The following NCALD variants were observed in gnomAD, a reference collection of about 807,000 sequenced individuals.
NCALD encodes neurocalcin-delta.
A neutral mutation model predicts 18.6 loss-of-function variants in NCALD; 10 were observed. That is an observed-to-expected ratio of 0.54 (90% confidence interval 0.33 to 0.91). The LOEUF (loss-of-function observed/expected upper bound fraction) is 0.91, where lower values mean the gene tolerates loss of function less well. Ranked by LOEUF, NCALD falls within the 40% of genes least tolerant of loss-of-function variation. NCALD has a pLI of 0.03. For missense variants in NCALD, 184 were observed against 247.6 expected (o/e 0.74, Z 1.72); for synonymous variants, 88 against 87.4 (o/e 1.01, Z -0.04).
At chr8:101,865,016 A>G (rs1332224520) in intron 4 of NCALD, among the ~76,000 whole-genome samples, 3 of 152,332 alleles carry the variant, frequency 2.0e-5, no homozygotes, top group South Asian at 2.1e-4. Flanking sequence ...TTTCATTATA[A>G]TAAGTGCTCT....
intron 1 of NCALD, among the ~76,000 whole-genome samples, chr8:101,776,648 G>T (rs1811804561): frequency 6.6e-6 from 1 of 151,962 alleles, no homozygotes; most frequent in Non-Finnish European, 1.5e-5. Context: ...AGGGGCCCAA[G>T]GACAACTTGA....
At chr8:101,814,920 T>C (rs928320396) in intron 4 of NCALD, among the ~76,000 whole-genome samples, 8 of 152,186 alleles carry the variant, frequency 5.3e-5, no homozygotes, top group African/African-American at 1.9e-4. Context: ...AACAAATATA[T>C]ATGAGATCTT....
chr8:101,918,694 G>A (rs1234212461), intron 2 of NCALD, among the ~76,000 whole-genome samples: 1 of 150,590 alleles, frequency 6.6e-6, no homozygotes, highest in African/African-American at 2.4e-5. Flanking sequence ...CACTAACAAT[G>A]TTCAAGCTGA....
chr8:101,710,250 T>A (rs1467295683), intron 2 of NCALD, among the ~76,000 whole-genome samples: 3 of 152,214 alleles, frequency 2.0e-5, no homozygotes, highest in African/African-American at 7.2e-5. Context: ...GTATGCTTTT[T>A]CATGGTCTTC....
chr8:101,770,872 T>C (rs1311640665), intron 1 of NCALD, among the ~76,000 whole-genome samples: 1 of 152,248 alleles, frequency 6.6e-6, no homozygotes, highest in Non-Finnish European at 1.5e-5. Flanking sequence ...ATAAAATCTT[T>C]AGGCCGTATT....
chr8:101,828,715 C>G (rs1296476073), intron 4 of NCALD, among the ~76,000 whole-genome samples: 3 of 152,112 alleles, frequency 2.0e-5, no homozygotes, highest in Non-Finnish European at 4.4e-5. Flanking sequence ...AATCCTCCAG[C>G]CTCAGCCTCC....
Position 101,763,990 on chromosome 8 carries a change from ACACACACACACACACACACACACACC to A in NCALD, c.-20+26846_-20+26871del, listed in dbSNP as rs1358110832. ...TCCACACACACACACACACACACAC[ACACACACACACACACACACACACACC>A]CCCTATTGGTCTGTCTCTCAAGAGA... On this transcript the variant is annotated intron_variant, in intron 1 of 3. Transcript: ENST00000220931. Among the ~76,000 whole-genome samples, 599 of 79,348 alleles carry A rather than the reference ACACACACACACACACACACACACACC, an allele frequency of 7.5e-3. 9 individuals are homozygous for A. The highest frequency in any genetic ancestry group is 0.018 in the African/African-American group (551 of 30,500). The allele number at this position is 79,348 out of a possible 152,430, so 52.1% of individuals were successfully genotyped here.
intron 3 of NCALD, chr8:101,692,305 A>G: frequency 9.1e-6 from 9 of 985,438 alleles, no homozygotes; most frequent in Non-Finnish European, 9.6e-6. Context: ...ATGGGAGCCC[A>G]CTGTCTCTGG....
At chr8:101,988,151 T>C (rs1280015411) in intron 2 of NCALD, among the ~76,000 whole-genome samples, 3 of 80,916 alleles carry the variant, frequency 3.7e-5, no homozygotes, top group African/African-American at 7.1e-5. Context: ...CGAGACTCCG[T>C]CTCAAAAAAA....
intron 2 of NCALD, among the ~76,000 whole-genome samples, chr8:101,938,236 A>C (rs532486751): frequency 1.9e-4 from 29 of 152,354 alleles, no homozygotes; most frequent in African/African-American, 6.5e-4. Context: ...TTGTAATGAT[A>C]AATCACCACT....
At chr8:101,759,810 A>T (rs1438026256) in intron 1 of NCALD, among the ~76,000 whole-genome samples, 1 of 152,188 alleles carries the variant, frequency 6.6e-6, no homozygotes, top group Non-Finnish European at 1.5e-5. Context: ...GAGTAGTAAC[A>T]TCTGTCATTC....
At chr8:101,775,984 T>C (rs1811774813) in intron 1 of NCALD, among the ~76,000 whole-genome samples, 1 of 152,184 alleles carries the variant, frequency 6.6e-6, no homozygotes, top group African/African-American at 2.4e-5. Flanking sequence ...CCCAGTTTGA[T>C]GCTGAGAAGT....
Sources: allele counts gnomAD v4.1 joint callset (sites outside exome capture counted in the v4.1 genomes callset), GRCh38; gene constraint gnomAD v4.1.1; transcripts MANE v1.5; gene names NCBI Gene and HGNC (gene_info 2026-07-23, HGNC 2026-07-21).